The following SHOC2 variants were observed in gnomAD, a reference collection of about 807,000 sequenced individuals.
SHOC2 encodes the protein leucine-rich repeat protein SHOC-2.
A neutral mutation model predicts 50.2 loss-of-function variants in SHOC2; 4 were observed. The observed-to-expected ratio is 0.08, with a 90% CI of 0.04 to 0.18. The LOEUF (loss-of-function observed/expected upper bound fraction) is 0.18, where lower values mean the gene tolerates loss of function less well. SHOC2 is among the 10% of genes least tolerant of loss of function. SHOC2 has a pLI of 1.00. For missense variants in SHOC2, 388 were observed against 669.6 expected (o/e 0.58, Z 4.64); for synonymous variants, 218 against 244.5 (o/e 0.89, Z 1.01).
At chr10:110,925,435 C>CT (rs1003863026) in intron 1 of SHOC2, among the ~76,000 whole-genome samples, 6 of 151,582 alleles carry the variant, frequency 4.0e-5, no homozygotes, top group African/African-American at 7.3e-5. Context: ...CTTTTTCACG[C>CT]TTTTTTTTGT....
chr10:110,953,730 GTA>G lies in SHOC2; in HGVS notation c.-234-10379_-234-10378del, dbSNP rs143976923. 5.3e-3 allele frequency among the ~76,000 whole-genome samples: 777 copies of G among 146,962 alleles called. 27 individuals are homozygous for G. The South Asian group carries it at 0.093, about 18-fold the overall frequency. Reference sequence around the variant, plus strand: ...TATATATATACACACACACACACGTGTATATATATATATATATTTTGATAGGT... The same window carrying G: ...TATATATATACACACACACACACGTGTATATATATATATATTTTGATAGGT... On this transcript the variant is annotated intron_variant, in intron 1 of 8. Coordinates refer to ENST00000369452, the MANE Select transcript of SHOC2 (RefSeq NM_007373.4).
intron 1 of SHOC2, among the ~76,000 whole-genome samples, chr10:110,963,157 AAT>A (rs1307116060): frequency 1.3e-5 from 2 of 152,234 alleles, no homozygotes; most frequent in African/African-American, 4.8e-5. Flanking sequence ...TAGAGTTAAC[AAT>A]AGAGTCATAA....
intron 1 of SHOC2, among the ~76,000 whole-genome samples, chr10:110,939,940 C>A (rs1294561297): frequency 3.3e-5 from 5 of 152,146 alleles, no homozygotes. Flanking sequence ...TGAAGTTAAT[C>A]TCTAAGGTGC....
intron 1 of SHOC2, among the ~76,000 whole-genome samples, chr10:110,924,456 T>C (rs1846716235): frequency 6.6e-6 from 1 of 152,170 alleles, no homozygotes; most frequent in Non-Finnish European, 1.5e-5. Flanking sequence ...AGGTTAGATA[T>C]GTTTAGGTCC....
chr10:110,974,808 G>A (rs574731677), intron 2 of SHOC2, among the ~76,000 whole-genome samples: 12 of 151,636 alleles, frequency 7.9e-5, no homozygotes, highest in African/African-American at 1.5e-4. Context: ...TCCATTCTTC[G>A]TACAATTATT....
chr10:110,925,592 G>C (rs1459183865), intron 1 of SHOC2, among the ~76,000 whole-genome samples: 2 of 152,116 alleles, frequency 1.3e-5, no homozygotes, highest in African/African-American at 4.8e-5. Flanking sequence ...CGTGTAACTG[G>C]ACTACAGGTG....
In SHOC2 at chr10:110,979,376, C is replaced by T. The variant is rs543674251; in HGVS notation, c.704-6252C>T. On this transcript the variant is annotated intron_variant, in intron 2 of 8. Transcript: ENST00000369452. ...AATCACAAATGTGACATCCCATCAC[C>T]TTTGCCATATTCTGTTGGTAAGAAG... Among the ~76,000 whole-genome samples, 1,177 of 152,302 alleles carry T rather than the reference C, an allele frequency of 7.7e-3. 5 individuals carry two copies. The highest frequency in any genetic ancestry group is 0.011 in the Non-Finnish European group (765 of 68,024).
chr10:110,991,528 A>G (rs747876900), intron 3 of SHOC2, among the ~76,000 whole-genome samples: 2 of 152,214 alleles, frequency 1.3e-5, no homozygotes, highest in African/African-American at 4.8e-5. Context: ...CAAGTATAGT[A>G]CAGCTGTTAC....
At chr10:111,007,341 C>A (rs766957327) in intron 5 of SHOC2, among the ~76,000 whole-genome samples, 190 bp from the exon 6 acceptor site, 1 of 152,128 alleles carries the variant, frequency 6.6e-6, no homozygotes, top group African/African-American at 2.4e-5. Context: ...CAAATAAAAG[C>A]CTCATTACTG....
At chr10:110,991,747 T>C (rs575291594) in intron 3 of SHOC2, among the ~76,000 whole-genome samples, 1 of 152,334 alleles carries the variant, frequency 6.6e-6, no homozygotes, top group South Asian at 2.1e-4. Flanking sequence ...TTCAACAGTT[T>C]TAATTGACCT....
intron 1 of SHOC2, among the ~76,000 whole-genome samples, chr10:110,928,329 G>A (rs1283205832): frequency 6.6e-6 from 1 of 151,824 alleles, no homozygotes; most frequent in Non-Finnish European, 1.5e-5. Context: ...CGAGACTGTT[G>A]TGCAACCCCG....
intron 1 of SHOC2, among the ~76,000 whole-genome samples, chr10:110,955,494 A>T (rs1241903570): frequency 6.6e-6 from 1 of 152,204 alleles, no homozygotes; most frequent in Middle Eastern, 3.4e-3. Flanking sequence ...TTGGGGGGGA[A>T]ATCTATTGAT....
rs1160032166 is a variant in SHOC2 at position 111,009,220 on chromosome 10, C to A, written c.1285-28C>A. 2.8e-6 allele frequency: 4 copies of A among 1,443,566 alleles called. No individual in the cohort carries two copies. The African/African-American group carries it at 4.2e-5, about 15-fold the overall frequency. The allele number at this position is 1,443,566 out of a possible 1,614,324, so 89.4% of individuals were successfully genotyped here. A position where few individuals can be genotyped will look rare whatever the true frequency, so the allele number is the denominator to read the frequency against. ...GTATATAATTTCATTTCATGATTTC[C>A]TAAACATTATCAATAATTTCTCATT... On this transcript the variant is annotated intron_variant, in intron 6 of 8. Transcript: ENST00000369452.
At chr10:110,923,084 T>C (rs778757641) in intron 1 of SHOC2, among the ~76,000 whole-genome samples, 9 of 152,098 alleles carry the variant, frequency 5.9e-5, no homozygotes, top group Non-Finnish European at 1.2e-4. Context: ...AATCCCCTAT[T>C]TTAACTGCTT....
At chr10:110,995,148 T>A in intron 3 of SHOC2, among the ~76,000 whole-genome samples, 1 of 152,124 alleles carries the variant, frequency 6.6e-6, no homozygotes, top group East Asian at 1.9e-4. Flanking sequence ...TCTGTAATTA[T>A]TAAGAAAGTA....
chr10:110,942,100 C>T (rs1439813196), intron 1 of SHOC2, among the ~76,000 whole-genome samples: 2 of 149,000 alleles, frequency 1.3e-5, no homozygotes, highest in East Asian at 2.0e-4. Context: ...TCTTTACCCA[C>T]GTGTGATTTT....
chr10:110,982,340 G>A lies in SHOC2; in HGVS notation c.704-3288G>A, dbSNP rs980903065. 2.0e-5 allele frequency among the ~76,000 whole-genome samples: 3 copies of A among 151,366 alleles called. No individual in the cohort carries two copies. In the East Asian group the frequency reaches 5.8e-4, roughly 29 times the overall value. Reference sequence around the variant, plus strand: ...TACGTGTGCATGTGTCTTTATAGCAGCATGATTTATAGTCCTTTGGGTATA... The same window carrying A: ...TACGTGTGCATGTGTCTTTATAGCAACATGATTTATAGTCCTTTGGGTATA... On this transcript the variant is annotated intron_variant, in intron 2 of 8. Coordinates refer to ENST00000369452, the MANE Select transcript of SHOC2 (RefSeq NM_007373.4).
intron 4 of SHOC2, among the ~76,000 whole-genome samples, chr10:111,001,455 A>T (rs1848373585): frequency 6.6e-6 from 1 of 152,044 alleles, no homozygotes; most frequent in Non-Finnish European, 1.5e-5. Context: ...ACAGCCAGCC[A>T]ATATAATACT....
upstream of SHOC2, chr10:110,919,389 G>C (rs1269636316): frequency 2.6e-6 from 1 of 391,148 alleles, no homozygotes; most frequent in Non-Finnish European, 4.5e-6. Flanking sequence ...AGGGCGGAGA[G>C]AGAGAAGCTG....
Sources: gnomAD v4.1 joint callset for allele counts (sites outside exome capture counted in the v4.1 genomes callset) on GRCh38, gnomAD v4.1.1 for gene constraint, MANE v1.5 for transcripts, NCBI Gene and HGNC (gene_info 2026-07-23, HGNC 2026-07-21) for gene names.